The following ZNF668 variants were observed in gnomAD, a reference collection of about 807,000 sequenced individuals.
ZNF668 encodes zinc finger protein 668.
Under a neutral mutation model 40.3 loss-of-function variants are expected in ZNF668, and 10 were observed. The observed-to-expected ratio is 0.25, with a 90% CI of 0.15 to 0.42. The LOEUF (loss-of-function observed/expected upper bound fraction) is 0.42. ZNF668 is among the 10% of genes least tolerant of loss of function. The pLI, the probability that ZNF668 is intolerant of heterozygous loss-of-function variation, is 1.00. For synonymous variants in ZNF668, 428 were observed against 384.6 expected (o/e 1.11, Z -1.32); for missense variants, 749 against 904.6 (o/e 0.83, Z 2.21).
intron 1 of ZNF668, among the ~76,000 whole-genome samples, chr16:31,072,321 C>T (rs758419138): frequency 4.6e-5 from 7 of 152,208 alleles, no homozygotes; most frequent in Non-Finnish European, 1.0e-4. Context: ...AGGTCTGTAG[C>T]CTCTGCCTCC....
chr16:31,071,144 C>A (rs544517129), intron 1 of ZNF668, among the ~76,000 whole-genome samples: 1 of 152,062 alleles, frequency 6.6e-6, no homozygotes, highest in Non-Finnish European at 1.5e-5. Context: ...GCTTGAGCCA[C>A]CATGCCCGGC....
At chr16:31,067,340 C>T (rs1280221933) in intron 1 of ZNF668, among the ~76,000 whole-genome samples, 2 of 152,174 alleles carry the variant, frequency 1.3e-5, no homozygotes, top group East Asian at 1.9e-4. Context: ...CATGGCAACC[C>T]CATGAGGAAA....
At chr16:31,069,428 CTCTG>C (rs1343977349) in intron 1 of ZNF668, among the ~76,000 whole-genome samples, 4 of 152,128 alleles carry the variant, frequency 2.6e-5, no homozygotes, top group Non-Finnish European at 4.4e-5. Context: ...TAGCAGTTCC[CTCTG>C]TCTGAGCCAC....
At chr16:31,065,919 T>C (rs2056978661) in intron 1 of ZNF668, 1 of 601,418 alleles carries the variant, frequency 1.7e-6, no homozygotes, top group South Asian at 7.4e-5. Flanking sequence ...GCTTCTAAGT[T>C]ATGACACTGG....
At position 31,064,471 on chromosome 16, in the gene ZNF668, AC is replaced by A. The variant is rs778551465; in HGVS notation, c.-13del. 1 of 1,607,490 alleles carries A rather than the reference AC, an allele frequency of 6.2e-7. No individual in the cohort carries two copies. Among genetic ancestry groups the A allele is most frequent in the Non-Finnish European group, 8.5e-7 (1 of 1,179,790 alleles). On this transcript the variant is annotated 5_prime_UTR_variant, in exon 2 of 3. Coordinates refer to ENST00000300849, the MANE Select transcript of ZNF668 (RefSeq NM_024706.5). ...GCCTCCACTTCCATGGCCTTGGTGAACGGGGTTTCTCTGCAAGAGAAGCAAA... is the reference window on the plus strand; with the variant it reads ...GCCTCCACTTCCATGGCCTTGGTGAAGGGGTTTCTCTGCAAGAGAAGCAAA...
intron 1 of ZNF668, among the ~76,000 whole-genome samples, chr16:31,071,097 C>T (rs2057013602): frequency 6.6e-6 from 1 of 151,478 alleles, no homozygotes; most frequent in Non-Finnish European, 1.5e-5. Flanking sequence ...CTCAGGTGAT[C>T]CACCCACCTT....
chr16:31,066,463 G>A (rs1018748884), intron 1 of ZNF668: 25 of 781,340 alleles, frequency 3.2e-5, no homozygotes, highest in Non-Finnish European at 3.7e-5. Context: ...AGGCTGAGGC[G>A]GGAGGATCCT....
rs1319822251 is a variant in ZNF668 at position 31,068,065 on chromosome 16, A to G, written c.-22-3584T>C. 4.6e-5 allele frequency among the ~76,000 whole-genome samples: 7 copies of G among 150,656 alleles called. No individual in the cohort carries two copies. The South Asian group carries it at 6.3e-4, about 14-fold the overall frequency. On this transcript the variant is annotated intron_variant, in intron 1 of 2. Transcript: ENST00000300849. Reference sequence around the variant, plus strand: ...GCCAGCTCTGGGTCTCAGCCTTCCTATCTGTGAGTTAGACACCAGGTAGCT... The same window carrying G: ...GCCAGCTCTGGGTCTCAGCCTTCCTGTCTGTGAGTTAGACACCAGGTAGCT...
chr16:31,061,617 G>A lies in ZNF668; in HGVS notation c.1311C>T (p.Gly437=), dbSNP rs1428006598. 10 of 1,610,496 alleles carry A rather than the reference G, an allele frequency of 6.2e-6. No homozygotes were observed. The African/African-American group carries it at 6.7e-5, about 11-fold the overall frequency. ...ELVVGLALPV[G]VAGESSAAPA... ...GGGCGGCTGAACTCTCACCTGCCACGCCCACAGGCAGCGCCAACCCCACCA... is the reference window on the plus strand; with the variant it reads ...GGGCGGCTGAACTCTCACCTGCCACACCCACAGGCAGCGCCAACCCCACCA... The change falls in exon 3 of 3, where the codon GGC becomes GGT. Residue 437 remains glycine (G), a synonymous_variant. Coordinates refer to ENST00000300849, the MANE Select transcript of ZNF668 (RefSeq NM_024706.5). This position sits in a 1 kb window ranked among gnomAD's most constrained non-coding sequence, Gnocchi z 7.7.
At chr16:31,064,517 C>T (rs747181891) in intron 1 of ZNF668, 36 bp from the exon 2 acceptor site, 11 of 1,600,022 alleles carry the variant, frequency 6.9e-6, no homozygotes, top group Non-Finnish European at 9.3e-6. Flanking sequence ...AAGCCACATA[C>T]CTTCGCCACT....
chr16:31,061,114 T>C lies in ZNF668; in HGVS notation c.1814A>G (p.Glu605Gly). ...PVPMGTPTPLEPLVALLGMPE... is the reference protein window; with the variant it reads ...PVPMGTPTPLGPLVALLGMPE... ...CATTCCTAGCAAAGCCACCAGGGGCTCCAGGGGTGTGGGGGTCCCCATGGG... is the reference window on the plus strand; with the variant it reads ...CATTCCTAGCAAAGCCACCAGGGGCCCCAGGGGTGTGGGGGTCCCCATGGG... The change falls in exon 3 of 3, where the codon GAG (glutamate) becomes GGG (glycine). Residue 605 changes from glutamate to glycine, a missense_variant. Transcript: ENST00000300849. The surrounding 1 kb of genome is among the most constrained non-coding windows in gnomAD (Gnocchi z 7.7). 6.6e-7 allele frequency: 1 copy of C among 1,508,564 alleles called. No homozygotes were observed. Among genetic ancestry groups the C allele is most frequent in the Non-Finnish European group, 8.8e-7 (1 of 1,131,030 alleles). The allele number at this position is 1,508,564 out of a possible 1,614,324, so 93.4% of individuals were successfully genotyped here.
chr16:31,063,042 CGAGA>C (rs1429738777), intron 2 of ZNF668, among the ~76,000 whole-genome samples: 1 of 150,790 alleles, frequency 6.6e-6, no homozygotes, highest in Non-Finnish European at 1.5e-5. Flanking sequence ...TGCGGTGAGC[CGAGA>C]TCGCGCCATT....
intron 1 of ZNF668, among the ~76,000 whole-genome samples, chr16:31,067,103 A>G (rs1485197651): frequency 1.3e-5 from 2 of 152,110 alleles, no homozygotes; most frequent in Non-Finnish European, 2.9e-5. Flanking sequence ...CTGTACTCCC[A>G]GCTACTCCAG....
chr16:31,063,683 C>A (rs922378316), intron 2 of ZNF668, 130 bp downstream of exon 2: 2 of 1,081,210 alleles, frequency 1.8e-6, no homozygotes, highest in South Asian at 3.5e-5. Flanking sequence ...CCTAGCCCCT[C>A]CCCTTGGATC....
At position 31,061,055 on chromosome 16, in the gene ZNF668, G is replaced by C. The variant is rs759045343; in HGVS notation, c.*13C>G. 3.4e-6 allele frequency: 5 copies of C among 1,483,490 alleles called. No individual in the cohort carries two copies. The South Asian group carries it at 5.8e-5, about 17-fold the overall frequency. The allele number at this position is 1,483,490 out of a possible 1,614,324, so 91.9% of individuals were successfully genotyped here. ...CTGGGCTCCCGGAGTGTGGTGCTGGGGGGTCATGGGCTTCAGGCCGGCCCC... is the reference window on the plus strand; with the variant it reads ...CTGGGCTCCCGGAGTGTGGTGCTGGCGGGTCATGGGCTTCAGGCCGGCCCC... On this transcript the variant is annotated 3_prime_UTR_variant, in exon 3 of 3. Coordinates refer to ENST00000300849, the MANE Select transcript of ZNF668 (RefSeq NM_024706.5). This position sits in a 1 kb window ranked among gnomAD's most constrained non-coding sequence, Gnocchi z 7.7.
At chr16:31,066,381 T>G (rs2143770427) in intron 1 of ZNF668, 3 of 985,312 alleles carry the variant, frequency 3.0e-6, no homozygotes, top group Non-Finnish European at 3.6e-6. Flanking sequence ...ACTTGGTTAT[T>G]TCACTTTTCC....
Position 31,063,795 on chromosome 16 carries a change from C to G in ZNF668, c.647+18G>C. ...CGCCCTGCCCCGGAAGGCGCCCTGC[C>G]CCGGAAGGCACCCTCACCGCTCATG... On this transcript the variant is annotated intron_variant, in intron 2 of 2. Transcript: ENST00000300849. 1 of 1,538,640 alleles carries G rather than the reference C, an allele frequency of 6.5e-7. No individual in the cohort carries two copies. Among genetic ancestry groups the G allele is most frequent in the Non-Finnish European group, 8.8e-7 (1 of 1,139,488 alleles).
Position 31,070,817 on chromosome 16 carries a change from A to G in ZNF668, c.-23+2842T>C, listed in dbSNP as rs868294240. On this transcript the variant is annotated intron_variant, in intron 1 of 2. Transcript: ENST00000300849. The stretch of plus-strand genomic sequence containing the variant: ...CGGCTTCCCAGAGTGCTGGGATTAC[A>G]GGCATGAGCCACCGTGCCTGGCTTA... Among the ~76,000 whole-genome samples, 226 of 152,072 alleles carry G rather than the reference A, an allele frequency of 1.5e-3. 4 individuals carry two copies. The highest frequency in any genetic ancestry group is 0.014 in the Middle Eastern group (4 of 294).
At chr16:31,071,965 A>G (rs190560559) in intron 1 of ZNF668, among the ~76,000 whole-genome samples, 33 of 152,316 alleles carry the variant, frequency 2.2e-4, no homozygotes, top group Admixed American at 3.9e-4. Context: ...CTGTATTTGG[A>G]GACAAGGCCT....
Sources: gnomAD v4.1 joint callset for allele counts (sites outside exome capture counted in the v4.1 genomes callset) on GRCh38, gnomAD v4.1.1 for gene constraint, Gnocchi (gnomAD v3.1) non-coding constraint, MANE v1.5 for transcripts, NCBI Gene and HGNC (gene_info 2026-07-23, HGNC 2026-07-21) for gene names.